XRCC4: variants seen among roughly 807,000 people sequenced by gnomAD.
The protein encoded by XRCC4 is X-ray repair cross complementing 4.
In XRCC4, 28 loss-of-function variants were observed where a neutral mutation model predicts 39.1. The observed-to-expected ratio is 0.72, with a 90% CI of 0.53 to 0.98. XRCC4 has a LOEUF of 0.98. Ranked by LOEUF, XRCC4 falls within the 50% of genes least tolerant of loss-of-function variation. The pLI is 0.00. For missense variants in XRCC4, 350 were observed against 376.4 expected, an observed-to-expected ratio of 0.93 and a Z score of 0.58; for synonymous variants, 123 against 126.4, an observed-to-expected ratio of 0.97 and a Z score of 0.18.
intron 6 of XRCC4, among the ~76,000 whole-genome samples, chr5:83,236,768 G>T (rs1157932494): frequency 6.6e-6 from 1 of 151,102 alleles, no homozygotes; most frequent in Non-Finnish European, 1.5e-5. Flanking sequence ...AATCAACAAA[G>T]TGAAGAGAAC....
At chr5:83,120,021 A>T (rs1746929627) in intron 3 of XRCC4, among the ~76,000 whole-genome samples, 1 of 151,094 alleles carries the variant, frequency 6.6e-6, no homozygotes, top group Non-Finnish European at 1.5e-5. Context: ...AAAAACAATA[A>T]CAGAAACAAA....
At chr5:83,204,460 A>G (rs1164835222) in intron 5 of XRCC4, among the ~76,000 whole-genome samples, 1 of 152,108 alleles carries the variant, frequency 6.6e-6, no homozygotes, top group African/African-American at 2.4e-5. Flanking sequence ...GCAGAGATCA[A>G]ATGAAATGCG....
intron 6 of XRCC4, among the ~76,000 whole-genome samples, chr5:83,254,690 G>T (rs1753461937): frequency 6.6e-6 from 1 of 152,146 alleles, no homozygotes; most frequent in Non-Finnish European, 1.5e-5. Context: ...GTTCAAGGGA[G>T]CTAATTTCAG....
At chr5:83,178,436 A>G (rs551628073) in intron 3 of XRCC4, among the ~76,000 whole-genome samples, 2 of 152,308 alleles carry the variant, frequency 1.3e-5, no homozygotes, top group African/African-American at 4.8e-5. Flanking sequence ...GTAGTCAGCC[A>G]TCACAGGGCT....
At chr5:83,325,387 G>T (rs775069675) in intron 7 of XRCC4, among the ~76,000 whole-genome samples, 2 of 151,966 alleles carry the variant, frequency 1.3e-5, no homozygotes, top group African/African-American at 2.4e-5. Context: ...ATGGTGGTTT[G>T]CTGCACAGAT....
intron 3 of XRCC4, among the ~76,000 whole-genome samples, chr5:83,147,066 G>T (rs1157659581): frequency 6.6e-6 from 1 of 152,128 alleles, no homozygotes; most frequent in Non-Finnish European, 1.5e-5. Flanking sequence ...ACAAATACTT[G>T]CTCTGTGATC....
intron 7 of XRCC4, among the ~76,000 whole-genome samples, chr5:83,351,654 T>C (rs1757086617): frequency 6.6e-6 from 1 of 152,092 alleles, no homozygotes; most frequent in South Asian, 2.1e-4. Context: ...ACATCGCAAA[T>C]CCCAGAGGGT....
chr5:83,148,289 T>C (rs1399646807), intron 3 of XRCC4, among the ~76,000 whole-genome samples: 1 of 152,210 alleles, frequency 6.6e-6, no homozygotes, highest in African/African-American at 2.4e-5. Context: ...TGGTGGTTAT[T>C]GTATTCATCT....
At chr5:83,215,864 T>G (rs553251463) in intron 6 of XRCC4, among the ~76,000 whole-genome samples, 2 of 152,128 alleles carry the variant, frequency 1.3e-5, no homozygotes, top group Non-Finnish European at 2.9e-5. Context: ...CTAAACCTAT[T>G]AAAGAAAACA....
chr5:83,368,270 C>T, the XRCC4 span, among the ~76,000 whole-genome samples: 1 of 152,188 alleles, frequency 6.6e-6, no homozygotes, highest in Non-Finnish European at 1.5e-5. Flanking sequence ...GTTTCGTCAT[C>T]TCCAAAATGC....
At chr5:83,342,945 A>G (rs1311331346) in intron 7 of XRCC4, among the ~76,000 whole-genome samples, 2 of 152,286 alleles carry the variant, frequency 1.3e-5, no homozygotes, top group South Asian at 2.1e-4. Flanking sequence ...GTTAAGGTCA[A>G]TCTGATAGCT....
intron 3 of XRCC4, among the ~76,000 whole-genome samples, chr5:83,114,085 C>T (rs538789529): frequency 9.2e-5 from 14 of 152,276 alleles, no homozygotes; most frequent in Middle Eastern, 3.4e-3. Context: ...CCTGTTTTAG[C>T]GACTGCTGGA....
chr5:83,370,090 G>A, the XRCC4 span, among the ~76,000 whole-genome samples: 405 of 152,194 alleles, frequency 2.7e-3, 2 homozygotes, highest in African/African-American at 9.3e-3. Context: ...TCCCTGCCAG[G>A]ATTCTGAGAG....
the XRCC4 span, among the ~76,000 whole-genome samples, chr5:83,372,907 G>A: frequency 6.6e-6 from 1 of 152,166 alleles, no homozygotes; most frequent in Non-Finnish European, 1.5e-5. Flanking sequence ...CAAGGAATAA[G>A]CTTGTTTTAT....
intron 6 of XRCC4, among the ~76,000 whole-genome samples, chr5:83,210,740 CAAGT>C: frequency 6.6e-6 from 1 of 152,156 alleles, no homozygotes; most frequent in Admixed American, 6.5e-5. Context: ...TCAGATTGAA[CAAGT>C]AAGACTTCAT....
At chr5:83,335,968 C>T (rs1723670464) in intron 7 of XRCC4, among the ~76,000 whole-genome samples, 1 of 151,972 alleles carries the variant, frequency 6.6e-6, no homozygotes, top group Admixed American at 6.6e-5. Context: ...CTTCTGAACA[C>T]TTAATATTCT....
At chr5:83,246,727 A>G (rs1345628422) in intron 6 of XRCC4, among the ~76,000 whole-genome samples, 1 of 152,088 alleles carries the variant, frequency 6.6e-6, no homozygotes, top group African/African-American at 2.4e-5. Flanking sequence ...ATTTTTTTCC[A>G]TTTTATACAA....
At chr5:83,162,576 C>G (rs1749267152) in intron 3 of XRCC4, among the ~76,000 whole-genome samples, 1 of 152,182 alleles carries the variant, frequency 6.6e-6, no homozygotes, top group Non-Finnish European at 1.5e-5. Flanking sequence ...TTGATTAACT[C>G]TTATAAATCT....
rs1254708235 is a variant in XRCC4 at position 83,120,734 on chromosome 5, T to TA, written c.315+9532dup. On this transcript the variant is annotated intron_variant, in intron 3 of 7. Coordinates refer to ENST00000396027, the MANE Select transcript of XRCC4 (RefSeq NM_003401.5). ...GGCTGACATGAATAAAGCAGCTATA[T>TA]ACATTCATGTCTAAATCTTTTTGTG... 2.0e-5 allele frequency among the ~76,000 whole-genome samples: 3 copies of TA among 152,256 alleles called. No individual in the cohort carries two copies. The East Asian group carries it at 5.8e-4, about 29-fold the overall frequency.
Sources: allele counts gnomAD v4.1 joint callset (sites outside exome capture counted in the v4.1 genomes callset), GRCh38; gene constraint gnomAD v4.1.1; transcripts MANE v1.5; gene names NCBI Gene and HGNC (gene_info 2026-07-23, HGNC 2026-07-21).